The following ATXN1 variants were observed in gnomAD, a reference collection of about 807,000 sequenced individuals.
The protein encoded by ATXN1 is ataxin 1.
In ATXN1, 8 loss-of-function variants were observed where a neutral mutation model predicts 56.4. The observed-to-expected ratio is 0.14, with a 90% CI of 0.08 to 0.26. The LOEUF (loss-of-function observed/expected upper bound fraction) is 0.26, where lower values mean the gene tolerates loss of function less well. Among genes scored for constraint, ATXN1 ranks in the 10% least tolerant of loss-of-function variants. ATXN1 has a pLI of 1.00. For missense variants in ATXN1, 987 were observed against 1,106.5 expected (o/e 0.89, Z 1.53); for synonymous variants, 514 against 494.6 (o/e 1.04, Z -0.52).
chr6:16,647,445 T>A (rs1763819874), intron 3 of ATXN1, among the ~76,000 whole-genome samples: 1 of 152,188 alleles, frequency 6.6e-6, no homozygotes, highest in African/African-American at 2.4e-5. Context: ...TTTCAACACA[T>A]CATACTGTTT....
At chr6:16,512,270 A>T (rs898096751) in intron 5 of ATXN1, among the ~76,000 whole-genome samples, 13 of 152,276 alleles carry the variant, frequency 8.5e-5, no homozygotes, top group African/African-American at 3.1e-4. Context: ...TCCGTAAATA[A>T]CTCCTACAGA....
chr6:16,365,709 CTG>C (rs1262330759), intron 6 of ATXN1, among the ~76,000 whole-genome samples: 1 of 152,228 alleles, frequency 6.6e-6, no homozygotes, highest in Non-Finnish European at 1.5e-5. Context: ...AGTCCCAAAA[CTG>C]TTTACAAGCA....
At chr6:16,514,621 G>A (rs998071611) in intron 5 of ATXN1, among the ~76,000 whole-genome samples, 5 of 152,076 alleles carry the variant, frequency 3.3e-5, no homozygotes, top group African/African-American at 4.8e-5. Context: ...AGGGAGGTGG[G>A]GTTAAGGCAA....
At chr6:16,618,303 C>T (rs1763256732) in intron 3 of ATXN1, among the ~76,000 whole-genome samples, 2 of 152,092 alleles carry the variant, frequency 1.3e-5, no homozygotes, top group South Asian at 2.1e-4. Flanking sequence ...AGACAAATAC[C>T]GAATGCATGC....
intron 6 of ATXN1, among the ~76,000 whole-genome samples, chr6:16,368,934 T>A (rs1761983532): frequency 6.6e-6 from 1 of 152,206 alleles, no homozygotes; most frequent in South Asian, 2.1e-4. Flanking sequence ...TGCAAGATAA[T>A]CTATGCTGTA....
intron 6 of ATXN1, among the ~76,000 whole-genome samples, chr6:16,477,645 A>G (rs1309731323): frequency 2.6e-5 from 4 of 152,102 alleles, no homozygotes; most frequent in Non-Finnish European, 5.9e-5. Flanking sequence ...ACATCTACTC[A>G]TGTCTCCAAC....
chr6:16,417,172 C>T (rs1411502623), intron 6 of ATXN1, among the ~76,000 whole-genome samples: 1 of 152,174 alleles, frequency 6.6e-6, no homozygotes, highest in Non-Finnish European at 1.5e-5. Flanking sequence ...CCTGGGACTA[C>T]AGGTATGCAT....
At chr6:16,341,877 A>ATTTTTT (rs34092584) in intron 6 of ATXN1, among the ~76,000 whole-genome samples, 7 of 86,858 alleles carry the variant, frequency 8.1e-5, no homozygotes, top group East Asian at 6.6e-4. Context: ...TGTCTCAGTG[A>ATTTTTT]TTTTTTTTTT....
Position 16,378,440 on chromosome 6 carries a change from G to A in ATXN1, c.-160-49970C>T, listed in dbSNP as rs192904858. On this transcript the variant is annotated intron_variant, in intron 6 of 7. Coordinates refer to ENST00000436367, the MANE Select transcript of ATXN1 (RefSeq NM_001128164.2). ...TGTAGGTTAAGGGAAGTTCCCAGGA[G>A]CACAGAATATGTAACTTGTGGAGCC... Among the ~76,000 whole-genome samples, 388 of 152,276 alleles carry A rather than the reference G, an allele frequency of 2.5e-3. 1 individual carries two copies. The highest frequency in any genetic ancestry group is 8.7e-3 in the African/African-American group (363 of 41,548).
chr6:16,394,954 G>T (rs1220942805), intron 6 of ATXN1, among the ~76,000 whole-genome samples: 1 of 152,150 alleles, frequency 6.6e-6, no homozygotes, highest in Non-Finnish European at 1.5e-5. Context: ...AGTTAAGCTT[G>T]ACAGCCAAGC....
intron 4 of ATXN1, among the ~76,000 whole-genome samples, chr6:16,552,878 G>A (rs985068691): frequency 5.3e-5 from 8 of 152,200 alleles, no homozygotes; most frequent in Non-Finnish European, 7.3e-5. Flanking sequence ...CCAGAGCAAC[G>A]TGGCTGGGCC....
intron 2 of ATXN1, chr6:16,738,232 C>A (rs1266410879): frequency 6.6e-6 from 1 of 152,194 alleles, no homozygotes; most frequent in Admixed American, 6.5e-5. Flanking sequence ...CACCTAATTT[C>A]TCCTTGAGGA....
intron 2 of ATXN1, among the ~76,000 whole-genome samples, chr6:16,742,120 T>C (rs1760360925): frequency 1.3e-5 from 2 of 152,048 alleles, no homozygotes; most frequent in Admixed American, 1.3e-4. Context: ...TTTTCTTCTG[T>C]CAATACAATA....
chr6:16,663,646 TTTTATTTATTTA>T (rs34453220), intron 2 of ATXN1, among the ~76,000 whole-genome samples: 12 of 150,458 alleles, frequency 8.0e-5, no homozygotes, highest in East Asian at 2.0e-4. Flanking sequence ...TTTTTTAATT[TTTTATTTATTTA>T]TTTATTTATT....
At chr6:16,657,132 C>T (rs1292381912) in intron 3 of ATXN1, among the ~76,000 whole-genome samples, 2 of 151,864 alleles carry the variant, frequency 1.3e-5, no homozygotes, top group Non-Finnish European at 2.9e-5. Context: ...TACAAGCGCC[C>T]GCCACTACAC....
At chr6:16,399,469 T>C (rs904413772) in intron 6 of ATXN1, among the ~76,000 whole-genome samples, 1 of 152,218 alleles carries the variant, frequency 6.6e-6, no homozygotes, top group African/African-American at 2.4e-5. Flanking sequence ...AGGCAAACAC[T>C]TTCTCAACAT....
intron 2 of ATXN1, among the ~76,000 whole-genome samples, chr6:16,680,386 C>T (rs1363973480): frequency 6.6e-6 from 1 of 152,204 alleles, no homozygotes; most frequent in African/African-American, 2.4e-5. Flanking sequence ...CTTCTCTAAT[C>T]TACAGTGTGC....
chr6:16,471,460 T>C (rs1325029929), intron 6 of ATXN1, among the ~76,000 whole-genome samples: 1 of 152,150 alleles, frequency 6.6e-6, no homozygotes, highest in Non-Finnish European at 1.5e-5. Flanking sequence ...TCTAGATATG[T>C]GAATGATGTA....
intron 2 of ATXN1, among the ~76,000 whole-genome samples, chr6:16,705,136 T>C (rs1759379753): frequency 6.6e-6 from 1 of 152,168 alleles, no homozygotes; most frequent in African/African-American, 2.4e-5. Flanking sequence ...ATCCAGGTAG[T>C]GAGCCTATGC....
Sources: gnomAD v4.1 joint callset for allele counts (sites outside exome capture counted in the v4.1 genomes callset) on GRCh38, gnomAD v4.1.1 for gene constraint, MANE v1.5 for transcripts, NCBI Gene and HGNC (gene_info 2026-07-23, HGNC 2026-07-21) for gene names.